The following GPR83 variants were observed in gnomAD, a reference collection of about 807,000 sequenced individuals.
The protein encoded by GPR83 is G-protein coupled receptor 72.
A neutral mutation model predicts 28.0 loss-of-function variants in GPR83; 23 were observed. That is an observed-to-expected ratio of 0.82 (90% CI 0.59 to 1.16). The LOEUF is 1.16. GPR83 is among the 50% of genes most tolerant of loss of function. The pLI is 0.00. For synonymous variants in GPR83, 234 were observed against 215.4 expected, an observed-to-expected ratio of 1.09 and a Z score of -0.76; for missense variants, 610 against 536.6, an observed-to-expected ratio of 1.14 and a Z score of -1.35.
At position 94,379,899 on chromosome 11, in the gene GPR83, G is replaced by A. The variant is rs1353263407; in HGVS notation, c.*250C>T. On this transcript the variant is annotated 3_prime_UTR_variant, in exon 4 of 4. Coordinates refer to ENST00000243673, the MANE Select transcript of GPR83 (RefSeq NM_016540.4). ...ACGTTGTCCTCGCTCCTCTTCCTCA[G>A]AGATACAGGCTGCTGTGCCTCCCAG... 1 of 344,692 alleles carries A rather than the reference G, an allele frequency of 2.9e-6. No homozygotes were observed. The highest frequency in any genetic ancestry group is 2.1e-5 in the African/African-American group (1 of 47,716). 21.4% of individuals were successfully genotyped at this position (344,692 alleles called of 1,614,324 possible). A position where few individuals can be genotyped will look rare whatever the true frequency, so the allele number is the denominator to read the frequency against.
At chr11:94,387,069 G>C (rs1277906854) in intron 3 of GPR83, among the ~76,000 whole-genome samples, 3 of 152,182 alleles carry the variant, frequency 2.0e-5, no homozygotes, top group South Asian at 4.1e-4. Context: ...ACCTGCTCCT[G>C]AATGACTACT....
In GPR83 at chr11:94,379,931, T is replaced by C; in HGVS notation, c.*218A>G. ...AGGCTGCTGTGCCTCCCAGTGTTTC[T>C]TAGATGGGAATTTATGAACACATGT... On this transcript the variant is annotated 3_prime_UTR_variant, in exon 4 of 4. Transcript: ENST00000243673. 2 of 398,642 alleles carry C rather than the reference T, an allele frequency of 5.0e-6. No homozygotes were observed. Among genetic ancestry groups the C allele is most frequent in the South Asian group, 2.0e-4 (2 of 9,942 alleles). The allele number at this position is 398,642 out of a possible 1,614,324, so 24.7% of individuals were successfully genotyped here.
chr11:94,391,423 G>T (rs1944815428), intron 3 of GPR83, among the ~76,000 whole-genome samples: 1 of 152,160 alleles, frequency 6.6e-6, no homozygotes. Context: ...AAGACTTCAT[G>T]TCTAAAATAC....
Position 94,401,381 on chromosome 11 carries a change from G to GGAGCACCGCGCC in GPR83, c.-146_-135dup. The stretch of plus-strand genomic sequence containing the variant: ...GAGGAGCCAGGGAGCCCGGACGCGC[G>GGAGCACCGCGCC]GAGCACCGCGCCGCCCGCCACCAGC... On this transcript the variant is annotated 5_prime_UTR_variant, in exon 1 of 4. Coordinates refer to ENST00000243673, the MANE Select transcript of GPR83 (RefSeq NM_016540.4). 4.9e-6 allele frequency: 4 copies of GGAGCACCGCGCC among 816,296 alleles called. No homozygotes were observed. Among genetic ancestry groups the GGAGCACCGCGCC allele is most frequent in the Non-Finnish European group, 7.0e-6 (4 of 569,232 alleles). 50.6% of individuals were successfully genotyped at this position (816,296 alleles called of 1,614,324 possible).
At chr11:94,387,091 G>A (rs1221689992) in intron 3 of GPR83, among the ~76,000 whole-genome samples, 2 of 152,246 alleles carry the variant, frequency 1.3e-5, no homozygotes, top group East Asian at 1.9e-4. Context: ...GGTACATAAT[G>A]AAATGAAGGC....
Position 94,379,913 on chromosome 11 carries a change from T to A in GPR83, c.*236A>T, listed in dbSNP as rs1944667373. The A allele has an allele frequency of 2.7e-6, 1 of 372,416 alleles. No homozygotes were observed. Among genetic ancestry groups the A allele is most frequent in the Non-Finnish European group, 4.8e-6 (1 of 207,668 alleles). 23.1% of individuals were successfully genotyped at this position (372,416 alleles called of 1,614,324 possible). The stretch of plus-strand genomic sequence containing the variant: ...CCTCTTCCTCAGAGATACAGGCTGC[T>A]GTGCCTCCCAGTGTTTCTTAGATGG... On this transcript the variant is annotated 3_prime_UTR_variant, in exon 4 of 4. Coordinates refer to ENST00000243673, the MANE Select transcript of GPR83 (RefSeq NM_016540.4).
At chr11:94,388,609 C>T (rs1472095413) in intron 3 of GPR83, among the ~76,000 whole-genome samples, 1 of 152,168 alleles carries the variant, frequency 6.6e-6, no homozygotes, top group African/African-American at 2.4e-5. Flanking sequence ...AGGAATCCAA[C>T]TTACAAGGGA....
rs1454964505 is a variant in GPR83, at chr11:94,401,309, G to C, written c.-62C>G. The stretch of plus-strand genomic sequence containing the variant: ...CCGGGCGTCCCCTCCCGCTGGGATC[G>C]GAGCGCGCAGCCGGGGTGCGGGGCG... On this transcript the variant is annotated 5_prime_UTR_variant, in exon 1 of 4. Coordinates refer to ENST00000243673, the MANE Select transcript of GPR83 (RefSeq NM_016540.4). 1.4e-6 allele frequency: 2 copies of C among 1,469,942 alleles called. No individual in the cohort carries two copies. Among genetic ancestry groups the C allele is most frequent in the Non-Finnish European group, 1.8e-6 (2 of 1,109,330 alleles). The allele number at this position is 1,469,942 out of a possible 1,614,324, so 91.1% of individuals were successfully genotyped here.
chr11:94,396,450 TGA>T lies in GPR83; in HGVS notation c.460_461del (p.Ser154ThrfsTer63), dbSNP rs1411547699. ...TCAGTGTCAGTGCTGAGACGTGCAG[TGA>T]GCAGTACTGGGCAAAGCGGCTGACA... ...CHVSRFAQYCSLHVSALTLTA... is the reference protein window; with the variant it reads ...CHVSRFAQYCXLHVSALTLTA... On this transcript the variant is annotated frameshift_variant, in exon 2 of 4. Transcript: ENST00000243673. LOFTEE classifies it high-confidence loss of function. The T allele has an allele frequency of 6.2e-7, 1 of 1,614,070 alleles. No homozygotes were observed. The highest frequency in any genetic ancestry group is 8.5e-7 in the Non-Finnish European group (1 of 1,179,940).
chr11:94,386,439 G>C lies in GPR83; in HGVS notation c.648-5666C>G, dbSNP rs546427310. On this transcript the variant is annotated intron_variant, in intron 3 of 3. Transcript: ENST00000243673. ...AAGAGTCAAGTCCCATCAGTGTGCT[G>C]TATTCAGGAAACCCATCTCATGTGC... Among the ~76,000 whole-genome samples the C allele has an allele frequency of 5.9e-5, 9 of 152,248 alleles. No individual in the cohort carries two copies. The South Asian group carries it at 1.9e-3, about 32-fold the overall frequency.
rs1247940119 is a variant in GPR83 at position 94,379,032 on chromosome 11, T to A, written c.*1117A>T. 6.6e-6 allele frequency: 1 copy of A among 152,038 alleles called. No individual in the cohort carries two copies. Among genetic ancestry groups the A allele is most frequent in the East Asian group, 1.9e-4 (1 of 5,166 alleles). 9.4% of individuals were successfully genotyped at this position (152,038 alleles called of 1,614,324 possible). A position where few individuals can be genotyped will look rare whatever the true frequency, so the allele number is the denominator to read the frequency against. ...TTCTGGTGGACACCCCTGGGAAAGG[T>A]ACCCCTGTTTCTGTTAATCATTACA... On this transcript the variant is annotated 3_prime_UTR_variant, in exon 4 of 4. Coordinates refer to ENST00000243673, the MANE Select transcript of GPR83 (RefSeq NM_016540.4).
intron 2 of GPR83, 22 bp downstream of exon 2, chr11:94,396,377 C>T (rs1414975519): frequency 6.2e-7 from 1 of 1,611,712 alleles, no homozygotes; most frequent in African/African-American, 1.3e-5. Context: ...AAGAGCAGAG[C>T]ATTAGGGGTA....
chr11:94,396,792 C>T (rs1162063333), intron 1 of GPR83, among the ~76,000 whole-genome samples: 4 of 151,308 alleles, frequency 2.6e-5, no homozygotes, highest in African/African-American at 9.7e-5. Flanking sequence ...TGGAGTTGGA[C>T]TTCCCACCTC....
intron 3 of GPR83, among the ~76,000 whole-genome samples, chr11:94,383,263 A>T (rs1944712973): frequency 1.3e-5 from 2 of 152,222 alleles, no homozygotes; most frequent in Admixed American, 6.5e-5. Flanking sequence ...TGAAGGTAGA[A>T]ATAAAGAAGC....
At chr11:94,395,879 G>A (rs1944860706) in intron 2 of GPR83, among the ~76,000 whole-genome samples, 1 of 152,144 alleles carries the variant, frequency 6.6e-6, no homozygotes, top group South Asian at 2.1e-4. Flanking sequence ...GATTTTCCGG[G>A]TTTGCTTTTC....
chr11:94,383,440 GCAAA>G, intron 3 of GPR83, among the ~76,000 whole-genome samples: 1 of 152,036 alleles, frequency 6.6e-6, no homozygotes, highest in Non-Finnish European at 1.5e-5. Flanking sequence ...AGAAGCAACA[GCAAA>G]CAAATTCAAA....
In GPR83 at chr11:94,380,695, G is replaced by A; in HGVS notation, c.726C>T (p.Ala242=). The A allele has an allele frequency of 6.2e-7, 1 of 1,613,586 alleles. No homozygotes were observed. The highest frequency in any genetic ancestry group is 8.5e-7 in the Non-Finnish European group (1 of 1,179,978). ...ADLFWKYLDL[A]TFILLYILPL... Reference sequence around the variant, plus strand: ...GCAGGATGTAGAGCAGGATGAAGGTGGCCAAGTCCAGGTACTTCCAGAAGA... The same window carrying A: ...GCAGGATGTAGAGCAGGATGAAGGTAGCCAAGTCCAGGTACTTCCAGAAGA... Residue 242 remains alanine (A), a synonymous_variant, in exon 4 of 4, where the codon GCC becomes GCT. Coordinates refer to ENST00000243673, the MANE Select transcript of GPR83 (RefSeq NM_016540.4).
At chr11:94,381,420 C>T (rs897011368) in intron 3 of GPR83, among the ~76,000 whole-genome samples, 2 of 152,008 alleles carry the variant, frequency 1.3e-5, no homozygotes, top group African/African-American at 2.4e-5. Flanking sequence ...GGTAGAAGGG[C>T]AGCCTGGATG....
chr11:94,380,512 G>A lies in GPR83; in HGVS notation c.909C>T (p.Leu303=). Residue 303 remains leucine, a synonymous_variant, in exon 4 of 4, where the codon CTC becomes CTT. Coordinates refer to ENST00000243673, the MANE Select transcript of GPR83 (RefSeq NM_016540.4). ...CGTAGCAGTTGAGGGGGAACCAGCA[G>A]AGGGCAAAGAGGACTACCACCAGCA... ...MLMLVVVLFA[L]CWFPLNCYVL... is the part of the protein sequence containing the mutation. 6.2e-7 allele frequency: 1 copy of A among 1,614,232 alleles called. No homozygotes were observed. The highest frequency in any genetic ancestry group is 8.5e-7 in the Non-Finnish European group (1 of 1,180,046).
Sources: allele counts gnomAD v4.1 joint callset (sites outside exome capture counted in the v4.1 genomes callset), GRCh38; gene constraint gnomAD v4.1.1; transcripts MANE v1.5; gene names NCBI Gene and HGNC (gene_info 2026-07-23, HGNC 2026-07-21).